Variants in TLCD3B observed in about 807,000 individuals in gnomAD.
The protein encoded by TLCD3B is TLC domain containing 3B.
In TLCD3B, 9 loss-of-function variants were observed where a neutral mutation model predicts 23.0. That is an observed-to-expected ratio of 0.39 (90% CI 0.24 to 0.68). TLCD3B has a LOEUF of 0.68. Ranked by LOEUF, TLCD3B falls within the 30% of genes least tolerant of loss-of-function variation. The probability of loss-of-function intolerance (pLI) is 0.44; values close to 1 mark genes in which losing one functional copy is unlikely to be tolerated. For missense variants in TLCD3B, 307 were observed against 371.8 expected, an observed-to-expected ratio of 0.83 and a Z score of 1.43; for synonymous variants, 161 against 161.0, an observed-to-expected ratio of 1.00 and a Z score of 0.00.
chr16:30,029,646 G>A lies in TLCD3B; in HGVS notation c.126-131C>T, dbSNP rs1051130248. On this transcript the variant is annotated intron_variant, in intron 1 of 4. Coordinates refer to ENST00000380495, the MANE Select transcript of TLCD3B (RefSeq NM_031478.6). This position sits in a 1 kb window ranked among gnomAD's most constrained non-coding sequence, Gnocchi z 4.6. ...CTCGGGCCAGTCCTTGCCTGCCTTCGCCCAAGGCTGGGCTGCCTGAGGTGT... is the reference window on the plus strand; with the variant it reads ...CTCGGGCCAGTCCTTGCCTGCCTTCACCCAAGGCTGGGCTGCCTGAGGTGT... 6.3e-6 allele frequency: 5 copies of A among 793,306 alleles called. No individual in the cohort carries two copies. The highest frequency in any genetic ancestry group is 2.7e-5 in the East Asian group (1 of 36,580). 49.1% of individuals were successfully genotyped at this position (793,306 alleles called of 1,614,324 possible).
intron 2 of TLCD3B, 179 bp from the exon 3 acceptor site, chr16:30,027,022 T>C: frequency 1.4e-6 from 1 of 693,496 alleles, no homozygotes; most frequent in South Asian, 1.5e-5. Context: ...ATGCAGCTAG[T>C]AAGAGATGGT....
At chr16:30,028,775 A>G (rs975813003) in intron 2 of TLCD3B, among the ~76,000 whole-genome samples, 1 of 152,106 alleles carries the variant, frequency 6.6e-6, no homozygotes, top group African/African-American at 2.4e-5. Context: ...GGCACCTCTA[A>G]GGCAACTTGC....
At position 30,029,794 on chromosome 16, in the gene TLCD3B, C is replaced by T. The variant is rs552695947; in HGVS notation, c.126-279G>A. On this transcript the variant is annotated intron_variant, in intron 1 of 4. Transcript: ENST00000380495. The surrounding 1 kb of genome is among the most constrained non-coding windows in gnomAD (Gnocchi z 4.6). ...AACTGAGTCTCCCTCTTCTCAAGCCCGCAGGGTGTCTGTCCTGAGGTGAGA... is the reference window on the plus strand; with the variant it reads ...AACTGAGTCTCCCTCTTCTCAAGCCTGCAGGGTGTCTGTCCTGAGGTGAGA... Among the ~76,000 whole-genome samples, 2 of 152,296 alleles carry T rather than the reference C, an allele frequency of 1.3e-5. No homozygotes were observed. Among genetic ancestry groups the T allele is most frequent in the East Asian group, 1.9e-4 (1 of 5,178 alleles).
chr16:30,049,117 A>G (rs943472873), intron 1 of TLCD3B, among the ~76,000 whole-genome samples: 1 of 151,972 alleles, frequency 6.6e-6, no homozygotes, highest in Non-Finnish European at 1.5e-5. Flanking sequence ...ATTATTTCCA[A>G]CCTATAAGAT....
At position 30,024,664 on chromosome 16, in the gene TLCD3B, T is replaced by A; in HGVS notation, c.*519A>T. ...CCTTCCCCCAACCCAACAGACTAGTTCAAATTTGGGTAAATAAATAAAATA... is the reference window on the plus strand; with the variant it reads ...CCTTCCCCCAACCCAACAGACTAGTACAAATTTGGGTAAATAAATAAAATA... On this transcript the variant is annotated 3_prime_UTR_variant, in exon 5 of 5. Transcript: ENST00000380495. The A allele has an allele frequency of 4.9e-6, 1 of 203,014 alleles. No homozygotes were observed. The highest frequency in any genetic ancestry group is 9.8e-6 in the Non-Finnish European group (1 of 101,584). The allele number at this position is 203,014 out of a possible 1,614,324, so 12.6% of individuals were successfully genotyped here.
chr16:30,045,781 AC>A (rs1331060568), intron 2 of TLCD3B, among the ~76,000 whole-genome samples: 1 of 150,910 alleles, frequency 6.6e-6, no homozygotes, highest in East Asian at 1.9e-4. Context: ...CCTAAAATAA[AC>A]CCAAGATGGG....
Position 30,024,533 on chromosome 16 carries a change from T to C in TLCD3B, c.*650A>G, listed in dbSNP as rs2071004367. On this transcript the variant is annotated 3_prime_UTR_variant, in exon 5 of 5. Transcript: ENST00000380495. Reference sequence around the variant, plus strand: ...TGAGAGGTCAGTAGCACCAGGGACATGGCAGGGCCCGAGGGCGCGATGTGC... The same window carrying C: ...TGAGAGGTCAGTAGCACCAGGGACACGGCAGGGCCCGAGGGCGCGATGTGC... The C allele has an allele frequency of 2.2e-6, 1 of 458,084 alleles. No individual in the cohort carries two copies. The highest frequency in any genetic ancestry group is 3.6e-5 in the East Asian group (1 of 27,954). The allele number at this position is 458,084 out of a possible 1,614,324, so 28.4% of individuals were successfully genotyped here. A position where few individuals can be genotyped will look rare whatever the true frequency, so the allele number is the denominator to read the frequency against.
At chr16:30,047,868 G>A (rs561108501) in intron 1 of TLCD3B, among the ~76,000 whole-genome samples, 5 of 148,036 alleles carry the variant, frequency 3.4e-5, no homozygotes, top group South Asian at 2.2e-4. Flanking sequence ...CAGCCCTGGC[G>A]TGGTGGCTCA....
At chr16:30,035,547 C>A (rs1038580121), upstream of TLCD3B, 4 of 1,265,892 alleles carry the variant, frequency 3.2e-6, no homozygotes, top group Admixed American at 4.8e-5. Flanking sequence ...TCAGACCCCC[C>A]AGCAGCCTTC....
intron 1 of TLCD3B, chr16:30,046,510 TG>T (rs1351177042): frequency 1.3e-5 from 2 of 152,226 alleles, no homozygotes; most frequent in African/African-American, 4.8e-5. Flanking sequence ...GCCTGGGCTC[TG>T]GGGCAAGTCC....
Position 30,030,408 on chromosome 16 carries a change from T to G in TLCD3B, c.120A>C (p.Ser40=). 1 of 1,578,190 alleles carries G rather than the reference T, an allele frequency of 6.3e-7. No individual in the cohort carries two copies. The highest frequency in any genetic ancestry group is 8.6e-7 in the Non-Finnish European group (1 of 1,165,332). The stretch of plus-strand genomic sequence containing the variant: ...GGGGAAAGAAAGTGGTTTACCTGGC[T>G]GAGACAATGACTGCGTCGGCCTCCT... ...RWEEADAVIV[S]ARLVSSVQAI... Residue 40 remains serine (S), a synonymous_variant, in exon 1 of 5, where the codon TCA becomes TCC. Coordinates refer to ENST00000380495, the MANE Select transcript of TLCD3B (RefSeq NM_031478.6).
Position 30,030,898 on chromosome 16 carries a change from G to A in TLCD3B, c.-371C>T, listed in dbSNP as rs2071338461. On this transcript the variant is annotated 5_prime_UTR_variant, in exon 1 of 5. Transcript: ENST00000380495. The stretch of plus-strand genomic sequence containing the variant: ...GGAGCCACCAGGCAGGTGGGGAGGG[G>A]AGGCTTACGTGAGAGGCTGGGAGGG... 4.2e-6 allele frequency: 1 copy of A among 239,710 alleles called. No individual in the cohort carries two copies. The highest frequency in any genetic ancestry group is 1.9e-4 in the East Asian group (1 of 5,168). 14.8% of individuals were successfully genotyped at this position (239,710 alleles called of 1,614,324 possible).
chr16:30,026,246 AAAG>A (rs2071127742), intron 3 of TLCD3B, among the ~76,000 whole-genome samples: 3 of 150,564 alleles, frequency 2.0e-5, no homozygotes, highest in Admixed American at 2.0e-4. Flanking sequence ...GAAAGAAAAA[AAAG>A]AGAAAGAACA....
upstream of TLCD3B, among the ~76,000 whole-genome samples, chr16:30,035,672 C>T (rs1244518953): frequency 1.3e-5 from 2 of 152,166 alleles, no homozygotes; most frequent in Admixed American, 6.5e-5. Flanking sequence ...TAATATTCCT[C>T]ATCCGGGGCA....
upstream of TLCD3B, among the ~76,000 whole-genome samples, chr16:30,032,467 G>A (rs2071384242): frequency 6.6e-6 from 1 of 152,052 alleles, no homozygotes; most frequent in African/African-American, 2.4e-5. Context: ...ATTTAGAGAC[G>A]GTTGTAGAGA....
At chr16:30,035,334 C>T, upstream of TLCD3B, 1 of 1,289,436 alleles carries the variant, frequency 7.8e-7, no homozygotes, top group Non-Finnish European at 1.0e-6. Context: ...AGGACACCCT[C>T]ACCCTGGTCC....
At chr16:30,045,347 TGTGTG>T in intron 2 of TLCD3B, among the ~76,000 whole-genome samples, 2 of 136,288 alleles carry the variant, frequency 1.5e-5, no homozygotes, top group African/African-American at 2.7e-5. Flanking sequence ...TGTGTTTGTG[TGTGTG>T]GTGTGTGTGT....
At chr16:30,031,709 G>A (rs1254143166), upstream of TLCD3B, among the ~76,000 whole-genome samples, 2 of 152,256 alleles carry the variant, frequency 1.3e-5, no homozygotes, top group Non-Finnish European at 2.9e-5. Context: ...TGGCGGGGAA[G>A]GAAGCTGACA....
chr16:30,050,326 C>G (rs1179101876), intron 1 of TLCD3B, among the ~76,000 whole-genome samples: 11 of 152,066 alleles, frequency 7.2e-5, no homozygotes, highest in Non-Finnish European at 1.5e-4. Context: ...ATCGCCTGAG[C>G]CCAGGAGTTC....
Sources: allele counts gnomAD v4.1 joint callset (sites outside exome capture counted in the v4.1 genomes callset), GRCh38; gene constraint gnomAD v4.1.1; non-coding constraint Gnocchi (gnomAD v3.1); transcripts MANE v1.5; gene names NCBI Gene and HGNC (gene_info 2026-07-23, HGNC 2026-07-21).